KLHL14: variants seen among roughly 807,000 people sequenced by gnomAD.
KLHL14 encodes the protein kelch like family member 14, also known as kelch-like protein 14.
A neutral mutation model predicts 64.3 loss-of-function variants in KLHL14; 22 were observed. That is an observed-to-expected ratio of 0.34 (90% CI 0.24 to 0.49). The LOEUF is 0.49. KLHL14 is among the 20% of genes least tolerant of loss of function. The probability of loss-of-function intolerance (pLI) is 0.99; values close to 1 mark genes in which losing one functional copy is unlikely to be tolerated. For missense variants in KLHL14, 661 were observed against 789.0 expected, an observed-to-expected ratio of 0.84 and a Z score of 1.94; for synonymous variants, 322 against 333.4, an observed-to-expected ratio of 0.97 and a Z score of 0.37.
In KLHL14 at chr18:32,708,968, C is replaced by T. The variant is rs575635781; in HGVS notation, c.1070-13416G>A. Among the ~76,000 whole-genome samples, 7 of 152,306 alleles carry T rather than the reference C, an allele frequency of 4.6e-5. No homozygotes were observed. In the South Asian group the frequency reaches 1.2e-3, roughly 27 times the overall value. On this transcript the variant is annotated intron_variant, in intron 3 of 8. Transcript: ENST00000359358. ...ATTCCATAGACCTTTGCAACAGCCTCCTCACGGGTCTCCTTGTTTTCATTC... is the reference window on the plus strand; with the variant it reads ...ATTCCATAGACCTTTGCAACAGCCTTCTCACGGGTCTCCTTGTTTTCATTC...
At chr18:32,704,278 T>C (rs1362675352) in intron 3 of KLHL14, among the ~76,000 whole-genome samples, 1 of 152,176 alleles carries the variant, frequency 6.6e-6, no homozygotes, top group Non-Finnish European at 1.5e-5. Context: ...ACCCAAGTTA[T>C]TGAGGGCAGA....
intron 5 of KLHL14, among the ~76,000 whole-genome samples, chr18:32,686,290 A>G (rs1012412280): frequency 2.6e-5 from 4 of 151,012 alleles, no homozygotes; most frequent in African/African-American, 9.7e-5. Flanking sequence ...CGGCCTCCCA[A>G]AGTGCATGCT....
At chr18:32,684,776 T>C (rs1386578076) in intron 5 of KLHL14, among the ~76,000 whole-genome samples, 2 of 152,120 alleles carry the variant, frequency 1.3e-5, no homozygotes, top group East Asian at 3.9e-4. Flanking sequence ...ATCTGAAGAG[T>C]GTCTCATATA....
At chr18:32,738,575 A>G (rs2050178450) in intron 3 of KLHL14, 1 of 152,130 alleles carries the variant, frequency 6.6e-6, no homozygotes, top group African/African-American at 2.4e-5. Context: ...ATTTCTCAAT[A>G]TTTTTCTGAT....
chr18:32,747,384 G>C (rs1486626833), intron 2 of KLHL14, among the ~76,000 whole-genome samples: 1 of 152,180 alleles, frequency 6.6e-6, no homozygotes, highest in Non-Finnish European at 1.5e-5. Flanking sequence ...TGTAGAATCA[G>C]TGGGAGCCCT....
At chr18:32,693,938 G>A (rs952499186) in intron 4 of KLHL14, among the ~76,000 whole-genome samples, 12 of 152,182 alleles carry the variant, frequency 7.9e-5, no homozygotes, top group African/African-American at 2.9e-4. Flanking sequence ...CCTTTGATTA[G>A]AAATTGAACA....
intron 3 of KLHL14, among the ~76,000 whole-genome samples, chr18:32,726,578 C>G (rs2050109304): frequency 6.6e-6 from 1 of 151,774 alleles, no homozygotes; most frequent in Admixed American, 6.6e-5. Flanking sequence ...GAGCCAAGAT[C>G]GTGCCACTGC....
chr18:32,757,558 T>A (rs1340532654), intron 2 of KLHL14, among the ~76,000 whole-genome samples: 2 of 152,222 alleles, frequency 1.3e-5, no homozygotes, highest in Admixed American at 6.5e-5. Flanking sequence ...GTGCTTCTTA[T>A]CAGTTATCAT....
intron 3 of KLHL14, among the ~76,000 whole-genome samples, chr18:32,702,353 TTTA>T (rs1205358622): frequency 7.2e-6 from 1 of 139,514 alleles, no homozygotes. Context: ...TTTTTTTTTT[TTTA>T]AAAAAAAGTC....
chr18:32,681,286 T>C (rs923153606), intron 5 of KLHL14, among the ~76,000 whole-genome samples: 9 of 152,132 alleles, frequency 5.9e-5, no homozygotes, highest in African/African-American at 2.2e-4. Flanking sequence ...AAGCAAAAGA[T>C]ACAAGCTGTG....
At chr18:32,709,732 A>C (rs967778808) in intron 3 of KLHL14, among the ~76,000 whole-genome samples, 9 of 152,186 alleles carry the variant, frequency 5.9e-5, no homozygotes, top group Admixed American at 5.9e-4. Flanking sequence ...TAAGACAAGG[A>C]TTGTCTTGCT....
At chr18:32,734,022 C>A in intron 3 of KLHL14, 2 of 621,784 alleles carry the variant, frequency 3.2e-6, no homozygotes, top group Non-Finnish European at 5.8e-6. Flanking sequence ...TTCTTCTCAC[C>A]CAGAGGTCCT....
intron 3 of KLHL14, among the ~76,000 whole-genome samples, chr18:32,717,844 T>C (rs2050054030): frequency 6.6e-6 from 1 of 152,222 alleles, no homozygotes; most frequent in African/African-American, 2.4e-5. Flanking sequence ...AATATAGATA[T>C]TTTGACTTGA....
intron 2 of KLHL14, among the ~76,000 whole-genome samples, chr18:32,764,884 A>AT (rs901551199): frequency 1.1e-4 from 16 of 150,754 alleles, no homozygotes; most frequent in East Asian, 9.7e-4. Context: ...AACTCTCCTA[A>AT]TTTTTTTTTT....
At chr18:32,728,279 G>A (rs2050117466) in intron 3 of KLHL14, among the ~76,000 whole-genome samples, 1 of 152,178 alleles carries the variant, frequency 6.6e-6, no homozygotes, top group African/African-American at 2.4e-5. Flanking sequence ...TGCAGGCTCT[G>A]AAGCTTTATT....
intron 4 of KLHL14, among the ~76,000 whole-genome samples, chr18:32,693,570 C>T (rs1339902066): frequency 6.6e-6 from 1 of 152,102 alleles, no homozygotes; most frequent in Non-Finnish European, 1.5e-5. Context: ...ACAATAGTCA[C>T]ATCGTTAGCA....
chr18:32,732,419 G>T (rs1049762199), intron 3 of KLHL14, among the ~76,000 whole-genome samples: 1 of 152,098 alleles, frequency 6.6e-6, no homozygotes, highest in African/African-American at 2.4e-5. Flanking sequence ...GGAACATAAG[G>T]GTGCACTGTT....
In KLHL14 at chr18:32,772,655, C is replaced by G. The variant is rs2050397203; in HGVS notation, c.-44+12G>C. The G allele has an allele frequency of 6.6e-6, 1 of 151,762 alleles. No homozygotes were observed. Among genetic ancestry groups the G allele is most frequent in the South Asian group, 2.1e-4 (1 of 4,802 alleles). 9.4% of individuals were successfully genotyped at this position (151,762 alleles called of 1,614,324 possible). A position where few individuals can be genotyped will look rare whatever the true frequency, so the allele number is the denominator to read the frequency against. On this transcript the variant is annotated intron_variant, in intron 1 of 8. Coordinates refer to ENST00000359358, the MANE Select transcript of KLHL14 (RefSeq NM_020805.3). Reference sequence around the variant, plus strand: ...AAATACACACAAGGCAGACACAAGGCCAGAAACTTACCTGTTCTCAACCAG... The same window carrying G: ...AAATACACACAAGGCAGACACAAGGGCAGAAACTTACCTGTTCTCAACCAG...
chr18:32,752,037 G>C (rs1045204291), intron 2 of KLHL14, among the ~76,000 whole-genome samples: 1 of 152,166 alleles, frequency 6.6e-6, no homozygotes, highest in Non-Finnish European at 1.5e-5. Flanking sequence ...TGAGGCGGGA[G>C]AATCACTTGA....
Sources: allele counts gnomAD v4.1 joint callset (sites outside exome capture counted in the v4.1 genomes callset), GRCh38; gene constraint gnomAD v4.1.1; transcripts MANE v1.5; gene names NCBI Gene and HGNC (gene_info 2026-07-23, HGNC 2026-07-21).